Variants in BLM observed in about 807,000 individuals in gnomAD.
The protein encoded by BLM is recQ-like DNA helicase BLM.
BLM carries 95 observed loss-of-function variants against 135.3 expected under a neutral mutation model. The ratio of observed to expected loss-of-function variants is 0.70; its 90% confidence interval spans 0.59 to 0.83. The LOEUF is 0.83. Among genes scored for constraint, BLM ranks in the 40% least tolerant of loss-of-function variants. The pLI is 0.00. For synonymous variants in BLM, 520 were observed against 589.2 expected (o/e 0.88, Z 1.70); for missense variants, 1,518 against 1,663.9 (o/e 0.91, Z 1.53).
chr15:90,782,768 C>T, intron 12 of BLM, 54 bp from the exon 13 acceptor site: 1 of 1,381,548 alleles, frequency 7.2e-7, no homozygotes, highest in South Asian at 1.2e-5. Flanking sequence ...TATAACAATA[C>T]CTAAAGTCAT....
intron 13 of BLM, among the ~76,000 whole-genome samples, chr15:90,783,250 A>C (rs887519033): frequency 6.6e-6 from 1 of 152,186 alleles, no homozygotes; most frequent in Non-Finnish European, 1.5e-5. Context: ...CCTTGTCCCA[A>C]GCCTGTCTGC....
At chr15:90,777,296 C>CTG (rs1896504387) in intron 12 of BLM, among the ~76,000 whole-genome samples, 1 of 152,098 alleles carries the variant, frequency 6.6e-6, no homozygotes, top group South Asian at 2.1e-4. Flanking sequence ...GGATTACAGG[C>CTG]GCCCGCCACC....
Position 90,743,484 on chromosome 15 carries a change from T to G in BLM, c.-4-3905T>G, listed in dbSNP as rs1388358836. Among the ~76,000 whole-genome samples, 5 of 152,076 alleles carry G rather than the reference T, an allele frequency of 3.3e-5. No homozygotes were observed. The East Asian group carries it at 9.6e-4, about 29-fold the overall frequency. On this transcript the variant is annotated intron_variant, in intron 1 of 21. Transcript: ENST00000355112. Reference sequence around the variant, plus strand: ...ACTTCACTAGCCTCAATTTATTTGTTTTCAGTTAATTTTTCTCCTTTATCA... The same window carrying G: ...ACTTCACTAGCCTCAATTTATTTGTGTTCAGTTAATTTTTCTCCTTTATCA...
chr15:90,740,432 A>T (rs1395992513), intron 1 of BLM, among the ~76,000 whole-genome samples: 1 of 152,220 alleles, frequency 6.6e-6, no homozygotes, highest in Non-Finnish European at 1.5e-5. Flanking sequence ...TGTGTGGCCA[A>T]ATAACATTTT....
intron 1 of BLM, among the ~76,000 whole-genome samples, chr15:90,742,405 T>C (rs987588725): frequency 3.9e-5 from 6 of 152,170 alleles, no homozygotes; most frequent in Non-Finnish European, 5.9e-5. Flanking sequence ...ACTGAATGTC[T>C]TGGAGTAGTC....
chr15:90,748,123 T>C (rs1310077487), intron 2 of BLM, among the ~76,000 whole-genome samples: 1 of 151,250 alleles, frequency 6.6e-6, no homozygotes, highest in African/African-American at 2.4e-5. Flanking sequence ...TTTTTTCTTT[T>C]TTGAGACGGA....
chr15:90,782,799 T>C (rs754355675), intron 12 of BLM, 23 bp from the exon 13 acceptor site: 1 of 1,552,130 alleles, frequency 6.4e-7, no homozygotes, highest in Non-Finnish European at 8.9e-7. Context: ...AATAACTAAA[T>C]TTTATGTTTG....
At chr15:90,800,555 CAGTAA>C (rs1456040694) in intron 17 of BLM, among the ~76,000 whole-genome samples, 1 of 152,124 alleles carries the variant, frequency 6.6e-6, no homozygotes, top group Non-Finnish European at 1.5e-5. Flanking sequence ...TGGCACACAC[CAGTAA>C]TCCCAGCTAG....
intron 1 of BLM, among the ~76,000 whole-genome samples, chr15:90,717,766 G>T (rs1567218806): frequency 6.6e-6 from 1 of 152,200 alleles, no homozygotes; most frequent in East Asian, 1.9e-4. Context: ...AGTAATCCCA[G>T]CCCAGACCTC....
chr15:90,777,468 C>T (rs1451839788), intron 12 of BLM, among the ~76,000 whole-genome samples: 1 of 152,134 alleles, frequency 6.6e-6, no homozygotes, highest in East Asian at 1.9e-4. Flanking sequence ...TTTCAATTCA[C>T]ATAAACTATT....
chr15:90,797,081 A>G (rs986317893), intron 16 of BLM, among the ~76,000 whole-genome samples: 2 of 152,132 alleles, frequency 1.3e-5, no homozygotes, highest in Non-Finnish European at 2.9e-5. Flanking sequence ...CCAAAAGACC[A>G]AAGTAAGAGG....
chr15:90,770,246 T>C (rs1468803050), intron 12 of BLM, among the ~76,000 whole-genome samples: 3 of 142,274 alleles, frequency 2.1e-5, no homozygotes, highest in African/African-American at 7.8e-5. Flanking sequence ...TGATCTCGGC[T>C]CACTCCGAGT....
intron 14 of BLM, among the ~76,000 whole-genome samples, chr15:90,788,204 A>G (rs1440847610): frequency 6.6e-6 from 1 of 152,204 alleles, no homozygotes; most frequent in African/African-American, 2.4e-5. Context: ...AGAAAGCAGG[A>G]TAATTGAAAC....
In BLM at chr15:90,804,889, T is replaced by C. The variant is rs570449306; in HGVS notation, c.3751+530T>C. Reference sequence around the variant, plus strand: ...TTCACTCTTATTGCCCAGGCTGGAGTGCAGTGGCGCGATCTCAGCTCATCA... The same window carrying C: ...TTCACTCTTATTGCCCAGGCTGGAGCGCAGTGGCGCGATCTCAGCTCATCA... On this transcript the variant is annotated intron_variant, in intron 19 of 21. Transcript: ENST00000355112. Among the ~76,000 whole-genome samples the C allele has an allele frequency of 1.6e-3, 245 of 152,308 alleles. 1 individual carries two copies. Among genetic ancestry groups the C allele is most frequent in the Non-Finnish European group, 2.9e-3 (195 of 68,032 alleles).
At chr15:90,736,288 A>G (rs757375002) in intron 1 of BLM, among the ~76,000 whole-genome samples, 33 of 151,932 alleles carry the variant, frequency 2.2e-4, no homozygotes, top group Non-Finnish European at 4.3e-4. Context: ...TTTTTGAGAC[A>G]GGGTCTTGCT....
At chr15:90,731,017 C>T (rs1895055177) in intron 1 of BLM, among the ~76,000 whole-genome samples, 1 of 152,092 alleles carries the variant, frequency 6.6e-6, no homozygotes, top group Non-Finnish European at 1.5e-5. Flanking sequence ...GTGACTTCAG[C>T]TCACTGCAGC....
At chr15:90,755,723 C>G (rs1174485742) in intron 5 of BLM, among the ~76,000 whole-genome samples, 1 of 151,988 alleles carries the variant, frequency 6.6e-6, no homozygotes, top group African/African-American at 2.4e-5. Flanking sequence ...CATTAATTAT[C>G]TTTTCTATTT....
intron 12 of BLM, among the ~76,000 whole-genome samples, chr15:90,777,912 T>C (rs772202787): frequency 1.4e-4 from 22 of 152,240 alleles, no homozygotes; most frequent in Non-Finnish European, 2.6e-4. Flanking sequence ...ATCCATGTTG[T>C]AGCATTGGTC....
intron 15 of BLM, among the ~76,000 whole-genome samples, chr15:90,791,705 C>T (rs1896910114): frequency 6.6e-6 from 1 of 151,974 alleles, no homozygotes; most frequent in Non-Finnish European, 1.5e-5. Context: ...GTGGCAGAAT[C>T]TTGGCTCACT....
Sources: gnomAD v4.1 joint callset for allele counts (sites outside exome capture counted in the v4.1 genomes callset) on GRCh38, gnomAD v4.1.1 for gene constraint, MANE v1.5 for transcripts, NCBI Gene and HGNC (gene_info 2026-07-23, HGNC 2026-07-21) for gene names.